RASSF8: variants seen among roughly 807,000 people sequenced by gnomAD.
RASSF8 encodes the protein Ras association domain family member 8.
Under a neutral mutation model 48.5 loss-of-function variants are expected in RASSF8, and 22 were observed. The observed-to-expected ratio is 0.45, with a 90% CI of 0.32 to 0.65. RASSF8 has a LOEUF of 0.65. Ranked by LOEUF, RASSF8 falls within the 30% of genes least tolerant of loss-of-function variation. RASSF8 has a pLI of 0.03. For synonymous variants in RASSF8, 127 were observed against 171.5 expected, an observed-to-expected ratio of 0.74 and a Z score of 2.03; for missense variants, 418 against 489.2, an observed-to-expected ratio of 0.85 and a Z score of 1.37.
intron 3 of RASSF8, among the ~76,000 whole-genome samples, chr12:26,056,928 G>GC (rs1427372264): frequency 1.6e-4 from 24 of 151,620 alleles, no homozygotes; most frequent in Admixed American, 1.6e-3. Context: ...AAAATATACA[G>GC]CTTTTTTTTT....
downstream of RASSF8, among the ~76,000 whole-genome samples, chr12:26,073,055 C>A (rs4963951): frequency 0.95 from 144,084 of 152,354 alleles, 68,157 homozygotes; most frequent in East Asian, 0.99. Context: ...TAAGAAACTA[C>A]TATGCCTTTT....
chr12:25,982,997 G>A (rs1360748154), intron 1 of RASSF8, among the ~76,000 whole-genome samples: 1 of 152,122 alleles, frequency 6.6e-6, no homozygotes, highest in Non-Finnish European at 1.5e-5. Context: ...GGTCCTTTTT[G>A]GAGGAATCTT....
intron 2 of RASSF8, among the ~76,000 whole-genome samples, chr12:26,012,682 CTTTTTTT>C (rs775400464): frequency 1.7e-4 from 22 of 131,794 alleles, no homozygotes; most frequent in Admixed American, 3.9e-4. Flanking sequence ...GGCCTTTTTT[CTTTTTTT>C]TTTTTTTTTG....
intron 2 of RASSF8, among the ~76,000 whole-genome samples, chr12:26,010,544 G>A (rs1234480300): frequency 2.0e-5 from 3 of 152,220 alleles, no homozygotes; most frequent in African/African-American, 2.4e-5. Flanking sequence ...GGAGGGCACT[G>A]TGGTTTAAGG....
intron 2 of RASSF8, among the ~76,000 whole-genome samples, chr12:26,047,009 G>A (rs1454324335): frequency 1.3e-5 from 2 of 152,208 alleles, no homozygotes; most frequent in African/African-American, 2.4e-5. Context: ...ATTTTCACAT[G>A]AAGACTTTGA....
At chr12:26,047,913 GA>G (rs774751806) in intron 2 of RASSF8, among the ~76,000 whole-genome samples, 1 of 152,254 alleles carries the variant, frequency 6.6e-6, no homozygotes, top group Non-Finnish European at 1.5e-5. Flanking sequence ...CAAGCAGGTA[GA>G]GAGAAAGGGA....
chr12:25,982,682 CAA>C (rs1262385598), intron 1 of RASSF8, among the ~76,000 whole-genome samples: 9 of 152,126 alleles, frequency 5.9e-5, no homozygotes, highest in East Asian at 1.9e-4. Flanking sequence ...GCACTGGAGA[CAA>C]GAGACAAAGC....
intron 1 of RASSF8, among the ~76,000 whole-genome samples, chr12:25,973,343 G>A (rs902164491): frequency 6.6e-6 from 1 of 152,174 alleles, no homozygotes; most frequent in African/African-American, 2.4e-5. Flanking sequence ...AACAGATGTG[G>A]TGCATGCAGT....
chr12:26,034,854 C>T (rs1483422769), intron 2 of RASSF8, among the ~76,000 whole-genome samples: 1 of 151,928 alleles, frequency 6.6e-6, no homozygotes, highest in Non-Finnish European at 1.5e-5. Context: ...AAACATCTAA[C>T]TAAAAAACAC....
At position 26,070,228 on chromosome 12, in the gene RASSF8, T is replaced by G. The variant is rs138983529; in HGVS notation, c.*1410T>G. On this transcript the variant is annotated 3_prime_UTR_variant, in exon 6 of 6. Transcript: ENST00000689635. ...AAATAAAAGTGGATTAATATAGTAATGCCATGGTAACAATAGAGCTATGTC... is the reference window on the plus strand; with the variant it reads ...AAATAAAAGTGGATTAATATAGTAAGGCCATGGTAACAATAGAGCTATGTC... The G allele has an allele frequency of 0.017, 16,890 of 972,634 alleles. 174 individuals are homozygous for G. The highest frequency in any genetic ancestry group is 0.02 in the Middle Eastern group (38 of 1,902). 60.3% of individuals were successfully genotyped at this position (972,634 alleles called of 1,614,324 possible).
intron 1 of RASSF8, among the ~76,000 whole-genome samples, chr12:25,978,139 C>G (rs1223999156): frequency 6.6e-6 from 1 of 152,188 alleles, no homozygotes; most frequent in African/African-American, 2.4e-5. Flanking sequence ...CAAAGATGAA[C>G]TCTTCTAACA....
intron 1 of RASSF8, among the ~76,000 whole-genome samples, chr12:25,986,565 G>A (rs1481890750): frequency 6.6e-6 from 1 of 152,132 alleles, no homozygotes; most frequent in Non-Finnish European, 1.5e-5. Flanking sequence ...ATGATGTGCA[G>A]GCTGCTCCCA....
intron 2 of RASSF8, among the ~76,000 whole-genome samples, chr12:26,003,330 T>G (rs1942306604): frequency 6.6e-6 from 1 of 152,242 alleles, no homozygotes. Flanking sequence ...GATTATCTTT[T>G]TGATGTGCTG....
intron 2 of RASSF8, among the ~76,000 whole-genome samples, chr12:26,047,959 T>C (rs1297541724): frequency 6.6e-6 from 1 of 152,142 alleles, no homozygotes; most frequent in Non-Finnish European, 1.5e-5. Flanking sequence ...GGTAATGAAA[T>C]GTGAGTCACA....
intron 3 of RASSF8, among the ~76,000 whole-genome samples, chr12:26,060,433 A>G (rs1943716908): frequency 6.6e-6 from 1 of 152,236 alleles, no homozygotes; most frequent in South Asian, 2.1e-4. Context: ...CTTAAATAGT[A>G]TAGTAAAAAA....
chr12:25,968,972 C>A (rs942870362), intron 1 of RASSF8, among the ~76,000 whole-genome samples: 1 of 152,162 alleles, frequency 6.6e-6, no homozygotes, highest in Non-Finnish European at 1.5e-5. Context: ...TCTCTGGCTG[C>A]CTACAGGAAG....
intron 2 of RASSF8, among the ~76,000 whole-genome samples, chr12:26,028,331 A>T (rs1355039933): frequency 6.6e-6 from 1 of 152,212 alleles, no homozygotes; most frequent in Non-Finnish European, 1.5e-5. Flanking sequence ...AAAAGATATG[A>T]TGATGTGTGA....
chr12:25,970,155 C>T (rs147010665), intron 1 of RASSF8, among the ~76,000 whole-genome samples: 11 of 149,408 alleles, frequency 7.4e-5, no homozygotes, highest in African/African-American at 2.7e-4. Flanking sequence ...GAAAGGAGTT[C>T]ACATCCTAAG....
Position 26,068,682 on chromosome 12 carries a change from T to C in RASSF8, c.1139-15T>C, listed in dbSNP as rs925992128. 16 of 1,337,606 alleles carry C rather than the reference T, an allele frequency of 1.2e-5. No homozygotes were observed. The highest frequency in any genetic ancestry group is 1.6e-5 in the Non-Finnish European group (16 of 992,186). 82.9% of individuals were successfully genotyped at this position (1,337,606 alleles called of 1,614,324 possible). On this transcript the variant is annotated splice_polypyrimidine_tract_variant and intron_variant, in intron 5 of 5. Transcript: ENST00000689635. ...TGACGAGCTCATCAGGTGGCTCTCT[T>C]TGTTTCCTGTTTAGAGGCACCATTC...
Sources: allele counts gnomAD v4.1 joint callset (sites outside exome capture counted in the v4.1 genomes callset), GRCh38; gene constraint gnomAD v4.1.1; transcripts MANE v1.5; gene names NCBI Gene and HGNC (gene_info 2026-07-23, HGNC 2026-07-21).